PLXNC1: variants seen among roughly 807,000 people sequenced by gnomAD.
PLXNC1 encodes the protein plexin-C1.
A neutral mutation model predicts 178.2 loss-of-function variants in PLXNC1; 75 were observed. The ratio of observed to expected loss-of-function variants is 0.42; its 90% CI spans 0.35 to 0.51. PLXNC1 has a LOEUF of 0.51. Ranked by LOEUF, PLXNC1 falls within the 20% of genes least tolerant of loss-of-function variation. The pLI is 0.02. For missense variants in PLXNC1, 1,503 were observed against 1,984.4 expected (o/e 0.76, Z 4.61); for synonymous variants, 790 against 779.9 (o/e 1.01, Z -0.22).
At chr12:94,155,932 A>G (rs948810763) in intron 1 of PLXNC1, among the ~76,000 whole-genome samples, 5 of 152,242 alleles carry the variant, frequency 3.3e-5, no homozygotes, top group African/African-American at 1.2e-4. Flanking sequence ...GATATTGTGG[A>G]CAGAAACACA....
chr12:94,192,288 A>G (rs2135977082), intron 4 of PLXNC1, among the ~76,000 whole-genome samples: 1 of 152,300 alleles, frequency 6.6e-6, no homozygotes, highest in South Asian at 2.1e-4. Flanking sequence ...AGGCAGACTT[A>G]TCAATGGCCA....
intron 23 of PLXNC1, among the ~76,000 whole-genome samples, chr12:94,283,240 G>A (rs997160692): frequency 2.0e-5 from 3 of 152,190 alleles, no homozygotes; most frequent in African/African-American, 7.2e-5. Flanking sequence ...CTTCCTGGAG[G>A]AGGTTATGAC....
chr12:94,174,727 A>C (rs1961982549), intron 2 of PLXNC1, among the ~76,000 whole-genome samples: 1 of 152,194 alleles, frequency 6.6e-6, no homozygotes. Context: ...CTGGGACCGG[A>C]AGTGGTGGTG....
intron 11 of PLXNC1, among the ~76,000 whole-genome samples, chr12:94,241,119 C>T (rs984305012): frequency 1.3e-5 from 2 of 152,130 alleles, no homozygotes; most frequent in African/African-American, 2.4e-5. Context: ...GAGATGGAAA[C>T]CCCAAAATAA....
intron 21 of PLXNC1, among the ~76,000 whole-genome samples, chr12:94,268,930 C>G (rs1326673029): frequency 6.6e-6 from 1 of 151,872 alleles, no homozygotes; most frequent in Non-Finnish European, 1.5e-5. Context: ...GGTTTTTTTC[C>G]CCTTTGCAAA....
At position 94,173,689 on chromosome 12, in the gene PLXNC1, T is replaced by G. The variant is rs532982184; in HGVS notation, c.1203+4396T>G. On this transcript the variant is annotated intron_variant, in intron 2 of 30. Coordinates refer to ENST00000258526, the MANE Select transcript of PLXNC1 (RefSeq NM_005761.3). ...TATCCCCCAACTAAACTGCATTAAC[T>G]CTTACAGAGCTTAGTAGAGTTTGAG... 2.6e-5 allele frequency among the ~76,000 whole-genome samples: 4 copies of G among 152,320 alleles called. No homozygotes were observed. In the East Asian group the frequency reaches 7.7e-4, roughly 29 times the overall value.
intron 2 of PLXNC1, among the ~76,000 whole-genome samples, chr12:94,179,375 A>C (rs1026849123): frequency 2.0e-5 from 3 of 152,218 alleles, no homozygotes; most frequent in Admixed American, 2.0e-4. Flanking sequence ...GAACACCTTC[A>C]CTTTTCAAAG....
chr12:94,212,149 C>A (rs893117079), intron 5 of PLXNC1, among the ~76,000 whole-genome samples: 1 of 151,610 alleles, frequency 6.6e-6, no homozygotes, highest in Admixed American at 6.6e-5. Context: ...TGGCGGGCGC[C>A]TGTAGTCCCA....
chr12:94,224,344 C>T, intron 7 of PLXNC1, 29 bp downstream of exon 7: 2 of 1,134,398 alleles, frequency 1.8e-6, no homozygotes, highest in Non-Finnish European at 2.7e-6. Flanking sequence ...TTTGAATATT[C>T]TCTCGTTGAT....
chr12:94,237,931 C>T (rs1964285966), intron 10 of PLXNC1, 128 bp downstream of exon 10: 2 of 812,536 alleles, frequency 2.5e-6, no homozygotes, highest in Admixed American at 2.8e-5. Flanking sequence ...GCCAATTAGT[C>T]AGAGTATTTG....
In PLXNC1 at chr12:94,305,272, G is replaced by A. The variant is rs368139262; in HGVS notation, c.4694G>A (p.Cys1565Tyr). The A allele has an allele frequency of 2.5e-6, 4 of 1,606,472 alleles. No individual in the cohort carries two copies. Among genetic ancestry groups the A allele is most frequent in the Non-Finnish European group, 3.4e-6 (4 of 1,174,338 alleles). ...GTCTTATTTGATGAAAAGAAGAAATGCAAGTGGATGTAAGCACTCTGGGGC... is the reference window on the plus strand; with the variant it reads ...GTCTTATTTGATGAAAAGAAGAAATACAAGTGGATGTAAGCACTCTGGGGC... ...VKVLFDEKKK[C>Y]KWM Residue 1565 changes from cysteine to tyrosine, a missense_variant, in exon 31 of 31, where the codon TGC (cysteine) becomes TAC (tyrosine). Transcript: ENST00000258526.
chr12:94,186,618 A>G, intron 4 of PLXNC1, 145 bp downstream of exon 4: 1 of 615,304 alleles, frequency 1.6e-6, no homozygotes, highest in Non-Finnish European at 3.0e-6. Context: ...GTGCAATCCT[A>G]ATGAATTCTC....
chr12:94,235,763 T>C (rs1021656036), intron 9 of PLXNC1, among the ~76,000 whole-genome samples: 19 of 152,230 alleles, frequency 1.2e-4, no homozygotes, highest in African/African-American at 4.1e-4. Context: ...TTGAATTTCA[T>C]GTGTTTTTAT....
chr12:94,229,755 A>G (rs1045419902), intron 9 of PLXNC1, among the ~76,000 whole-genome samples: 1 of 152,180 alleles, frequency 6.6e-6, no homozygotes, highest in Non-Finnish European at 1.5e-5. Context: ...CTATTGGTCT[A>G]TGCCTGTCTT....
rs1172964730 is a variant in PLXNC1, at chr12:94,305,610, GT to G, written c.*329del. On this transcript the variant is annotated 3_prime_UTR_variant, in exon 31 of 31. Coordinates refer to ENST00000258526, the MANE Select transcript of PLXNC1 (RefSeq NM_005761.3). ...CCACTTAAGCACAATGATATAAGTG[GT>G]TTTGTTTGAAAACTACAGCTATGTA... is the stretch of plus-strand genomic sequence containing the variant. 4.5e-6 allele frequency: 1 copy of G among 224,346 alleles called. No homozygotes were observed. The highest frequency in any genetic ancestry group is 1.0e-4 in the East Asian group (1 of 9,524). 13.9% of individuals were successfully genotyped at this position (224,346 alleles called of 1,614,324 possible). A position where few individuals can be genotyped will look rare whatever the true frequency, so the allele number is the denominator to read the frequency against.
chr12:94,269,961 T>C (rs545871075), intron 21 of PLXNC1, among the ~76,000 whole-genome samples: 18 of 152,258 alleles, frequency 1.2e-4, no homozygotes, highest in Non-Finnish European at 2.4e-4. Flanking sequence ...TTCCTCTTCA[T>C]ACACTTTCTT....
chr12:94,155,144 T>A (rs1403012656), intron 1 of PLXNC1, among the ~76,000 whole-genome samples: 5 of 152,236 alleles, frequency 3.3e-5, no homozygotes, highest in African/African-American at 1.2e-4. Context: ...CTTCTGGTGT[T>A]GCCAATCTGA....
chr12:94,266,414 G>A (rs997341112), intron 21 of PLXNC1, among the ~76,000 whole-genome samples: 1 of 152,234 alleles, frequency 6.6e-6, no homozygotes, highest in Non-Finnish European at 1.5e-5. Context: ...AGAGGCCGGA[G>A]AGTGGGCTGC....
intron 17 of PLXNC1, chr12:94,256,031 C>T (rs975453076): frequency 6.6e-6 from 1 of 152,462 alleles, no homozygotes. Flanking sequence ...GAGGTACACT[C>T]ATCCTGCGTA....
Sources: gnomAD v4.1 joint callset for allele counts (sites outside exome capture counted in the v4.1 genomes callset) on GRCh38, gnomAD v4.1.1 for gene constraint, MANE v1.5 for transcripts, NCBI Gene and HGNC (gene_info 2026-07-23, HGNC 2026-07-21) for gene names.